The following MBTPS1 variants were observed in gnomAD, a reference collection of about 807,000 sequenced individuals.
MBTPS1 encodes membrane bound transcription factor peptidase, site 1, also known as membrane-bound transcription factor site-1 protease.
MBTPS1 carries 94 observed loss-of-function variants against 127.8 expected under a neutral mutation model. The ratio of observed to expected loss-of-function variants is 0.74; its 90% CI spans 0.62 to 0.87. MBTPS1 has a LOEUF of 0.87. MBTPS1 is among the 40% of genes least tolerant of loss of function. MBTPS1 has a pLI of 0.00. For synonymous variants in MBTPS1, 632 were observed against 509.4 expected, an observed-to-expected ratio of 1.24 and a Z score of -3.24; for missense variants, 1,636 against 1,353.2, an observed-to-expected ratio of 1.21 and a Z score of -3.28.
chr16:84,097,419 G>A (rs2151166023), intron 3 of MBTPS1, among the ~76,000 whole-genome samples: 1 of 152,282 alleles, frequency 6.6e-6, no homozygotes, highest in Admixed American at 6.5e-5. Context: ...TGGAAAAGAC[G>A]CTTACTGCTG....
At chr16:84,060,959 A>G in intron 19 of MBTPS1, 146 bp from the exon 20 acceptor site, 1 of 690,052 alleles carries the variant, frequency 1.4e-6, no homozygotes, top group East Asian at 3.0e-5. Context: ...TCAGCCTCCC[A>G]AGTAGCTGAG....
intron 20 of MBTPS1, 149 bp from the exon 21 acceptor site, chr16:84,059,577 G>T: frequency 1.5e-6 from 1 of 649,614 alleles, no homozygotes; most frequent in Non-Finnish European, 2.6e-6. Context: ...TCCATGAGCC[G>T]CAGGAGCCAC....
At chr16:84,072,182 T>C (rs1323788023) in intron 12 of MBTPS1, 1 of 151,900 alleles carries the variant, frequency 6.6e-6, no homozygotes, top group Non-Finnish European at 1.5e-5. Flanking sequence ...GGACAAACTG[T>C]GAAAACCTGA....
intron 1 of MBTPS1, among the ~76,000 whole-genome samples, chr16:84,105,357 T>C (rs1291693366): frequency 6.6e-6 from 1 of 152,128 alleles, no homozygotes; most frequent in Admixed American, 6.5e-5. Flanking sequence ...TGTAGTTAAA[T>C]TTAAGGACAA....
At chr16:84,094,529 C>G (rs2086153167) in intron 4 of MBTPS1, among the ~76,000 whole-genome samples, 1 of 152,128 alleles carries the variant, frequency 6.6e-6, no homozygotes. Flanking sequence ...AAAAAAAATA[C>G]AGAATACCTA....
intron 1 of MBTPS1, among the ~76,000 whole-genome samples, chr16:84,114,067 C>G (rs2086435752): frequency 6.6e-6 from 1 of 151,188 alleles, no homozygotes; most frequent in South Asian, 2.1e-4. Flanking sequence ...GGGGTTCAAG[C>G]GATTCTCCTG....
Position 84,081,880 on chromosome 16 carries a change from G to A in MBTPS1, c.1315C>T (p.Pro439Ser), listed in dbSNP as rs751490114. The change falls in exon 11 of 23, where the codon CCC becomes TCC. Residue 439 changes from proline to serine, a missense_variant. Physicochemically the swap from Pro to Ser is moderately conservative, Grantham distance 74 (BLOSUM62 -1). Transcript: ENST00000343411. ...ATCAGGGCCTGCTTCATACTGGCGG[G>A]ATTCACCAGCTCACGCTTCTGGACT... ...STVQKRELVN[P>S]ASMKQALIAS... The A allele has an allele frequency of 6.2e-6, 9 of 1,457,856 alleles. No homozygotes were observed. Among genetic ancestry groups the A allele is most frequent in the Non-Finnish European group, 2.7e-6 (3 of 1,099,998 alleles). 90.3% of individuals were successfully genotyped at this position (1,457,856 alleles called of 1,614,324 possible). A position where few individuals can be genotyped will look rare whatever the true frequency, so the allele number is the denominator to read the frequency against.
intron 12 of MBTPS1, among the ~76,000 whole-genome samples, chr16:84,074,005 T>C (rs1456439636): frequency 6.6e-6 from 1 of 151,652 alleles, no homozygotes; most frequent in Non-Finnish European, 1.5e-5. Flanking sequence ...ACACTCTGTC[T>C]CAAAAAAAAA....
At chr16:84,098,262 G>C (rs1170323047) in intron 3 of MBTPS1, among the ~76,000 whole-genome samples, 1 of 152,180 alleles carries the variant, frequency 6.6e-6, no homozygotes, top group African/African-American at 2.4e-5. Flanking sequence ...TCCTGGTCAG[G>C]AGGCTTTGAC....
intron 3 of MBTPS1, among the ~76,000 whole-genome samples, chr16:84,098,786 C>T (rs891860307): frequency 2.0e-5 from 3 of 152,090 alleles, no homozygotes; most frequent in African/African-American, 7.2e-5. Context: ...AAACAAAGAT[C>T]ACTACCATCT....
At chr16:84,084,631 A>G (rs1404270145) in intron 10 of MBTPS1, among the ~76,000 whole-genome samples, 3 of 152,150 alleles carry the variant, frequency 2.0e-5, no homozygotes, top group African/African-American at 7.2e-5. Context: ...ATATCTTACT[A>G]TTTGTTCCCT....
intron 16 of MBTPS1, among the ~76,000 whole-genome samples, chr16:84,066,915 G>T (rs941320262): frequency 6.6e-6 from 1 of 152,186 alleles, no homozygotes. Context: ...AGAAGGAGAT[G>T]AGAAAGAAGC....
rs761837606 is a variant in MBTPS1 at position 84,056,093 on chromosome 16, G to C, written c.2874C>G (p.Asp958Glu). The C allele has an allele frequency of 9.3e-6, 15 of 1,613,848 alleles. No individual in the cohort carries two copies. The highest frequency in any genetic ancestry group is 4.0e-5 in the African/African-American group (3 of 74,922). ...KHQKLLSIDL[D>E]KVVLPNFRSN... ...ATCGAAAGTTGGGTAACACCACCTT[G>C]TCCAGGTCAATGGAGAGTAGCTTCT... Residue 958 changes from aspartate (D) to glutamate (E), a missense_variant, in exon 22 of 23, where the codon GAC (aspartate) becomes GAG (glutamate). Physicochemically the swap from Asp to Glu is conservative, Grantham distance 45. Transcript: ENST00000343411.
Position 84,091,868 on chromosome 16 carries a change from G to A in MBTPS1, c.847-20C>T. ...AGATACCTAGTTAAATATTATAACA[G>A]TCTGCTTAGTGTTTCAATCAAGTTT... On this transcript the variant is annotated intron_variant, in intron 6 of 22. Coordinates refer to ENST00000343411, the MANE Select transcript of MBTPS1 (RefSeq NM_003791.4). The A allele has an allele frequency of 7.5e-7, 1 of 1,331,622 alleles. No homozygotes were observed. The highest frequency in any genetic ancestry group is 1.1e-6 in the Non-Finnish European group (1 of 921,898). 82.5% of individuals were successfully genotyped at this position (1,331,622 alleles called of 1,614,324 possible).
chr16:84,070,910 A>C (rs992952515), intron 12 of MBTPS1, 134 bp from the exon 13 acceptor site: 12 of 668,754 alleles, frequency 1.8e-5, no homozygotes, highest in Non-Finnish European at 3.0e-5. Context: ...AATAAAATTT[A>C]TACACAGATA....
chr16:84,101,490 CAA>C (rs1339578360), intron 2 of MBTPS1, 129 bp downstream of exon 2: 8,962 of 587,220 alleles, frequency 0.015, no homozygotes, highest in South Asian at 0.026. Flanking sequence ...GACTCTGTCT[CAA>C]AAAAAAAAAA....
intron 11 of MBTPS1, among the ~76,000 whole-genome samples, chr16:84,080,753 C>G (rs2085928519): frequency 6.6e-6 from 1 of 152,262 alleles, no homozygotes. Context: ...TCTTCCTCCC[C>G]AGTCCTCCTA....
intron 10 of MBTPS1, 61 bp downstream of exon 10, chr16:84,084,922 C>G: frequency 6.4e-7 from 1 of 1,562,842 alleles, no homozygotes. Context: ...TCCTGCTCTG[C>G]TGGCACCGAG....
At chr16:84,067,496 G>C (rs921825397) in intron 16 of MBTPS1, among the ~76,000 whole-genome samples, 171 bp downstream of exon 16, 1 of 152,162 alleles carries the variant, frequency 6.6e-6, no homozygotes, top group East Asian at 1.9e-4. Flanking sequence ...GGGATTACAG[G>C]CGTGAGCAAC....
Sources: gnomAD v4.1 joint callset for allele counts (sites outside exome capture counted in the v4.1 genomes callset) on GRCh38, gnomAD v4.1.1 for gene constraint, MANE v1.5 for transcripts, NCBI Gene and HGNC (gene_info 2026-07-23, HGNC 2026-07-21) for gene names.